Variants in TSHZ2 observed in about 807,000 individuals in gnomAD.
The protein encoded by TSHZ2 is teashirt homolog 2.
A neutral mutation model predicts 74.4 loss-of-function variants in TSHZ2; 21 were observed. The observed-to-expected ratio is 0.28, with a 90% confidence interval of 0.20 to 0.41. The LOEUF (loss-of-function observed/expected upper bound fraction) is 0.41. Ranked by LOEUF, TSHZ2 falls within the 10% of genes least tolerant of loss-of-function variation. The pLI is 1.00. For synonymous variants in TSHZ2, 540 were observed against 515.3 expected, an observed-to-expected ratio of 1.05 and a Z score of -0.65; for missense variants, 1,244 against 1,293.5, an observed-to-expected ratio of 0.96 and a Z score of 0.59.
chr20:53,352,232 C>CTTTTTTT (rs142220716), intron 2 of TSHZ2, among the ~76,000 whole-genome samples: 2 of 57,904 alleles, frequency 3.5e-5, no homozygotes, highest in African/African-American at 7.4e-5. Flanking sequence ...CTCCTAAGCT[C>CTTTTTTT]TTTTTTTTTT....
At chr20:53,166,340 G>A (rs1988061823) in intron 1 of TSHZ2, among the ~76,000 whole-genome samples, 1 of 152,170 alleles carries the variant, frequency 6.6e-6, no homozygotes, top group Non-Finnish European at 1.5e-5. Flanking sequence ...AATTTGGGCT[G>A]GGCATGATGG....
chr20:53,299,539 G>A (rs1372515775), intron 2 of TSHZ2, among the ~76,000 whole-genome samples: 1 of 151,982 alleles, frequency 6.6e-6, no homozygotes, highest in Non-Finnish European at 1.5e-5. Flanking sequence ...TTGTTTGTTT[G>A]TAATTCTAAG....
intron 1 of TSHZ2, among the ~76,000 whole-genome samples, chr20:53,133,255 C>T (rs1490555551): frequency 2.6e-5 from 4 of 152,320 alleles, no homozygotes; most frequent in Non-Finnish European, 5.9e-5. Context: ...TCAACTTGGT[C>T]TCCTCAGCCA....
intron 1 of TSHZ2, among the ~76,000 whole-genome samples, chr20:53,206,297 A>G (rs1255658974): frequency 1.3e-5 from 2 of 152,200 alleles, no homozygotes; most frequent in African/African-American, 2.4e-5. Flanking sequence ...GGATTAAAAG[A>G]GGTTAGGGTC....
chr20:53,121,706 C>A, intron 1 of TSHZ2, among the ~76,000 whole-genome samples: 1 of 152,060 alleles, frequency 6.6e-6, no homozygotes, highest in East Asian at 1.9e-4. Flanking sequence ...GTATAAACAC[C>A]AAACAAGCCA....
At chr20:53,333,130 C>G (rs1218744764) in intron 2 of TSHZ2, among the ~76,000 whole-genome samples, 1 of 152,200 alleles carries the variant, frequency 6.6e-6, no homozygotes, top group Non-Finnish European at 1.5e-5. Context: ...TTATATTACC[C>G]TCAGTATCTA....
chr20:53,460,296 T>C (rs1452806108), intron 2 of TSHZ2, among the ~76,000 whole-genome samples: 5 of 152,200 alleles, frequency 3.3e-5, no homozygotes, highest in Admixed American at 2.6e-4. Flanking sequence ...TCTCGCTTCA[T>C]TTCATCTTCC....
chr20:53,128,067 T>C (rs1986995853), intron 1 of TSHZ2, among the ~76,000 whole-genome samples: 1 of 152,178 alleles, frequency 6.6e-6, no homozygotes, highest in Non-Finnish European at 1.5e-5. Context: ...CTTGTTGTAA[T>C]CCAGATAGTA....
rs969961797 is a variant in TSHZ2 at position 53,457,823 on chromosome 20, G to A, written c.*9-29321G>A. Reference sequence around the variant, plus strand: ...CTGCATCTATTGAGATAATCATGTGGTTTTTGTCTTTGGCTCTGTTTATAT... The same window carrying A: ...CTGCATCTATTGAGATAATCATGTGATTTTTGTCTTTGGCTCTGTTTATAT... On this transcript the variant is annotated intron_variant, in intron 2 of 2. Coordinates refer to ENST00000371497, the MANE Select transcript of TSHZ2 (RefSeq NM_173485.6). 4.6e-4 allele frequency among the ~76,000 whole-genome samples: 70 copies of A among 151,946 alleles called. 1 individual carries two copies. In the East Asian group the frequency reaches 0.013, roughly 29 times the overall value.
In TSHZ2 at chr20:53,185,721, C is replaced by T. The variant is rs970335522; in HGVS notation, c.41-67778C>T. ...TGCTGCTAGAAAGTCATCCCTATGG[C>T]TCTATTCTCTTGCTAAATGGATGTT... is the stretch of plus-strand genomic sequence containing the variant. On this transcript the variant is annotated intron_variant, in intron 1 of 2. Transcript: ENST00000371497. The T allele has an allele frequency of 2.6e-6, 4 of 1,535,846 alleles. No individual in the cohort carries two copies. In the East Asian group the frequency reaches 9.8e-5, roughly 38 times the overall value.
intron 2 of TSHZ2, among the ~76,000 whole-genome samples, chr20:53,258,165 A>G (rs1198080121): frequency 6.6e-6 from 1 of 152,226 alleles, no homozygotes; most frequent in Non-Finnish European, 1.5e-5. Flanking sequence ...TGTTTTTATC[A>G]TGATGATTGA....
At chr20:53,340,177 C>CTTTTTTTTT (rs74177489) in intron 2 of TSHZ2, among the ~76,000 whole-genome samples, 1,911 of 93,806 alleles carry the variant, frequency 0.02, 114 homozygotes, top group Non-Finnish European at 0.027. Context: ...ACTTTTCTTT[C>CTTTTTTTTT]TTTTTTCTTT....
At chr20:53,045,201 T>C (rs6126738) in intron 1 of TSHZ2, among the ~76,000 whole-genome samples, 61,188 of 152,078 alleles carry the variant, frequency 0.4, 14,164 homozygotes, top group East Asian at 0.65. Context: ...CAGCATGGCC[T>C]GCCCCTGTGA....
At chr20:53,459,179 C>T (rs142352365) in intron 2 of TSHZ2, among the ~76,000 whole-genome samples, 7,259 of 152,140 alleles carry the variant, frequency 0.048, 490 homozygotes, top group East Asian at 0.19. Flanking sequence ...GCATTATTAA[C>T]GTGTGGGAGT....
intron 1 of TSHZ2, among the ~76,000 whole-genome samples, chr20:53,135,036 A>ACACACG (rs57646845): frequency 6.7e-6 from 1 of 149,276 alleles, no homozygotes; most frequent in Admixed American, 6.6e-5. Flanking sequence ...ACACACACAC[A>ACACACG]AGGGTTGTGG....
intron 2 of TSHZ2, among the ~76,000 whole-genome samples, chr20:53,326,198 G>T (rs564047901): frequency 1.3e-5 from 2 of 152,340 alleles, no homozygotes; most frequent in African/African-American, 4.8e-5. Flanking sequence ...AGAATGCATT[G>T]CTAATGGTGG....
At chr20:53,439,138 A>T (rs971126634) in intron 2 of TSHZ2, among the ~76,000 whole-genome samples, 1 of 152,192 alleles carries the variant, frequency 6.6e-6, no homozygotes, top group Non-Finnish European at 1.5e-5. Flanking sequence ...TATGACTTTA[A>T]AATGTACCTA....
chr20:53,148,926 A>G (rs1987609842), intron 1 of TSHZ2, among the ~76,000 whole-genome samples: 1 of 152,180 alleles, frequency 6.6e-6, no homozygotes. Flanking sequence ...AGCAGGAATC[A>G]ACCTTTTCCT....
At chr20:53,001,952 C>A (rs994621307) in intron 1 of TSHZ2, among the ~76,000 whole-genome samples, 1 of 152,094 alleles carries the variant, frequency 6.6e-6, no homozygotes, top group Non-Finnish European at 1.5e-5. Context: ...TTTATCAAGG[C>A]TTAAAGGAAG....
Sources: gnomAD v4.1 joint callset for allele counts (sites outside exome capture counted in the v4.1 genomes callset) on GRCh38, gnomAD v4.1.1 for gene constraint, MANE v1.5 for transcripts, NCBI Gene and HGNC (gene_info 2026-07-23, HGNC 2026-07-21) for gene names.